Variants in NAA11 observed in about 807,000 individuals in gnomAD.
NAA11 encodes the protein N-alpha-acetyltransferase 11, NatA catalytic subunit, also known as N-alpha-acetyltransferase 11.
In NAA11, 15 loss-of-function variants were observed where a neutral mutation model predicts 16.1. The ratio of observed to expected loss-of-function variants is 0.93; its 90% CI spans 0.62 to 1.44. The LOEUF (loss-of-function observed/expected upper bound fraction) is 1.44. NAA11 is among the 40% of genes most tolerant of loss of function. The pLI is 0.00. For synonymous variants in NAA11, 122 were observed against 112.4 expected, an observed-to-expected ratio of 1.09 and a Z score of -0.54; for missense variants, 298 against 291.3, an observed-to-expected ratio of 1.02 and a Z score of -0.17.
chr4:79,297,284 C>A (rs1723251169), intron 1 of NAA11, among the ~76,000 whole-genome samples: 1 of 152,302 alleles, frequency 6.6e-6, no homozygotes, highest in East Asian at 1.9e-4. Context: ...GTGATGGAGC[C>A]AGGCTGAGCC....
intron 2 of NAA11, among the ~76,000 whole-genome samples, chr4:79,265,694 T>A (rs1425390646): frequency 6.6e-6 from 1 of 152,056 alleles, no homozygotes; most frequent in Non-Finnish European, 1.5e-5. Flanking sequence ...GAGAAAGAGG[T>A]TTTATGACCA....
At chr4:79,228,215 A>G (rs1432385140) in intron 2 of NAA11, among the ~76,000 whole-genome samples, 2 of 152,030 alleles carry the variant, frequency 1.3e-5, no homozygotes, top group Non-Finnish European at 2.9e-5. Context: ...TACATAAAAG[A>G]AAACTTTGGG....
the NAA11 span, among the ~76,000 whole-genome samples, chr4:79,215,819 TTGAG>T: frequency 6.6e-6 from 1 of 152,176 alleles, no homozygotes; most frequent in Admixed American, 6.5e-5. Context: ...CATAGAATTA[TTGAG>T]TGAGGATTAA....
the NAA11 span, among the ~76,000 whole-genome samples, chr4:79,208,941 A>C: frequency 1.3e-5 from 2 of 148,922 alleles, no homozygotes; most frequent in African/African-American, 4.9e-5. Context: ...AAAAAAAAAA[A>C]AAAAAACCCC....
At chr4:79,170,568 T>G in the NAA11 span, among the ~76,000 whole-genome samples, 2 of 152,204 alleles carry the variant, frequency 1.3e-5, no homozygotes. Flanking sequence ...GAAAGGACTT[T>G]GCATTTTGGC....
intron 1 of NAA11, chr4:79,308,402 G>C (rs531769084): frequency 1.3e-5 from 2 of 152,342 alleles, no homozygotes; most frequent in Non-Finnish European, 2.9e-5. Flanking sequence ...CACAAGGCCG[G>C]CAAGCATCAA....
chr4:79,319,387 A>G (rs188984380), intron 1 of NAA11, among the ~76,000 whole-genome samples: 355 of 152,290 alleles, frequency 2.3e-3, no homozygotes, highest in Non-Finnish European at 3.6e-3. Flanking sequence ...AAATCCTATA[A>G]TTTTCCAAAG....
the NAA11 span, among the ~76,000 whole-genome samples, chr4:79,209,527 T>G: frequency 1.3e-5 from 2 of 152,120 alleles, no homozygotes; most frequent in African/African-American, 4.8e-5. Context: ...GAGGGACCAT[T>G]GCAAATGCTG....
chr4:79,171,557 A>G, the NAA11 span, among the ~76,000 whole-genome samples: 14 of 152,322 alleles, frequency 9.2e-5, no homozygotes, highest in East Asian at 1.7e-3. Context: ...CAGTAATTAT[A>G]TAGTTATTAT....
intron 2 of NAA11, among the ~76,000 whole-genome samples, chr4:79,271,145 A>C (rs59329561): frequency 2.3e-4 from 15 of 64,766 alleles, no homozygotes; most frequent in Admixed American, 7.5e-4. Flanking sequence ...GTCTCAGCCC[A>C]AAATCTCCTT....
chr4:79,192,506 G>A, the NAA11 span, among the ~76,000 whole-genome samples: 814 of 150,712 alleles, frequency 5.4e-3, 9 homozygotes, highest in African/African-American at 0.018. Flanking sequence ...GTGATAGTTT[G>A]CTGAGAATGA....
intron 1 of NAA11, among the ~76,000 whole-genome samples, chr4:79,304,709 A>G (rs1452751931): frequency 6.6e-6 from 1 of 152,078 alleles, no homozygotes; most frequent in Non-Finnish European, 1.5e-5. Flanking sequence ...TGGTCACACT[A>G]CCTAGAAATT....
At chr4:79,312,396 A>T (rs1485661331), downstream of NAA11, among the ~76,000 whole-genome samples, 1 of 152,022 alleles carries the variant, frequency 6.6e-6, no homozygotes, top group Non-Finnish European at 1.5e-5. Context: ...CATGCCTGTA[A>T]TCCCAGCACT....
chr4:79,202,505 A>T, the NAA11 span, among the ~76,000 whole-genome samples: 3 of 121,422 alleles, frequency 2.5e-5, no homozygotes, highest in South Asian at 8.2e-4. Context: ...TTCATTGGCC[A>T]TAATGTAAAC....
chr4:79,233,987 G>C (rs1175802612), intron 2 of NAA11, among the ~76,000 whole-genome samples: 3 of 151,990 alleles, frequency 2.0e-5, no homozygotes, highest in African/African-American at 7.2e-5. Flanking sequence ...GTCAAAATGG[G>C]GAAGTCTACC....
At chr4:79,231,079 A>G (rs1467207345) in intron 2 of NAA11, among the ~76,000 whole-genome samples, 1 of 152,016 alleles carries the variant, frequency 6.6e-6, no homozygotes, top group Non-Finnish European at 1.5e-5. Context: ...ATGCCTATAC[A>G]TATTAAATGT....
rs552292774 is a variant in NAA11, at chr4:79,292,734, G to A, written c.*122+1271C>T. Among the ~76,000 whole-genome samples, 5 of 152,310 alleles carry A rather than the reference G, an allele frequency of 3.3e-5. No individual in the cohort carries two copies. The East Asian group carries it at 9.6e-4, about 29-fold the overall frequency. ...TTACTCAGTACAAAGGAATATTACA[G>A]TAACGCTCCCATTTCTGTTAATCCA... is the stretch of plus-strand genomic sequence containing the variant. On this transcript the variant is annotated intron_variant and NMD_transcript_variant, in intron 2 of 2. Coordinates refer to the NAA11 transcript ENST00000511542.
At chr4:79,205,981 A>G in the NAA11 span, among the ~76,000 whole-genome samples, 230 of 152,018 alleles carry the variant, frequency 1.5e-3, no homozygotes, top group African/African-American at 5.3e-3. Flanking sequence ...GTCTACTTTT[A>G]TAACAGTACC....
At chr4:79,213,261 G>A in the NAA11 span, among the ~76,000 whole-genome samples, 3 of 152,112 alleles carry the variant, frequency 2.0e-5, no homozygotes, top group Admixed American at 1.3e-4. Flanking sequence ...TTTGCTACAT[G>A]CTGAAATATT....
Sources: gnomAD v4.1 joint callset for allele counts (sites outside exome capture counted in the v4.1 genomes callset) on GRCh38, gnomAD v4.1.1 for gene constraint, MANE v1.5 for transcripts, NCBI Gene and HGNC (gene_info 2026-07-23, HGNC 2026-07-21) for gene names.